The following HDAC9 variants were observed in gnomAD, a reference collection of about 807,000 sequenced individuals.
HDAC9 encodes the protein MEF-2 interacting transcription repressor (MITR) protein.
A neutral mutation model predicts 139.4 loss-of-function variants in HDAC9; 41 were observed. The ratio of observed to expected loss-of-function variants is 0.29; its 90% CI spans 0.23 to 0.38. The LOEUF is 0.38. Among genes scored for constraint, HDAC9 ranks in the 10% least tolerant of loss-of-function variants. The pLI is 1.00. For missense variants in HDAC9, 1,147 were observed against 1,297.0 expected (o/e 0.88, Z 1.78); for synonymous variants, 517 against 476.2 (o/e 1.09, Z -1.12).
intron 1 of HDAC9, among the ~76,000 whole-genome samples, chr7:18,437,970 C>T (rs928887031): frequency 6.6e-6 from 1 of 151,692 alleles, no homozygotes; most frequent in East Asian, 1.9e-4. Context: ...CACAGACACA[C>T]ACACACATAC....
chr7:18,384,538 C>T (rs1785737468), intron 1 of HDAC9, among the ~76,000 whole-genome samples: 1 of 151,740 alleles, frequency 6.6e-6, no homozygotes. Context: ...AATATTTTTT[C>T]CTTAGCTTAT....
chr7:18,841,886 G>A (rs13230142), intron 21 of HDAC9, among the ~76,000 whole-genome samples: 15,899 of 151,858 alleles, frequency 0.1, 1,963 homozygotes, highest in African/African-American at 0.3. Context: ...TTTAATAACC[G>A]ATCTAATTAC....
chr7:18,568,886 A>G (rs1823342673), intron 2 of HDAC9, among the ~76,000 whole-genome samples: 1 of 152,004 alleles, frequency 6.6e-6, no homozygotes, highest in South Asian at 2.1e-4. Context: ...CCTCTCTACT[A>G]AAAATACAAA....
chr7:18,559,202 C>A (rs563426610), intron 2 of HDAC9, among the ~76,000 whole-genome samples: 1 of 152,250 alleles, frequency 6.6e-6, no homozygotes, highest in South Asian at 2.1e-4. Flanking sequence ...ACTAGGTGTC[C>A]TTCATGGGCA....
At chr7:18,629,209 A>G in intron 6 of HDAC9, 141 bp from the exon 7 acceptor site, 1 of 669,288 alleles carries the variant, frequency 1.5e-6, no homozygotes. Flanking sequence ...TCAATGCCTC[A>G]TTTATGTGCT....
rs925171979 is a variant in HDAC9 at position 18,313,005 on chromosome 7, T to C, written c.-42+22490T>C. Among the ~76,000 whole-genome samples, 38 of 152,250 alleles carry C rather than the reference T, an allele frequency of 2.5e-4. 1 individual carries two copies. Among genetic ancestry groups the C allele is most frequent in the African/African-American group, 8.7e-4 (36 of 41,552 alleles). ...TTCAGATTTGTCTTCCTATAATTCG[T>C]AGAGATTTGGAAAATTAGACATAAG... On this transcript the variant is annotated intron_variant, in intron 1 of 3. Transcript: ENST00000413509.
intron 2 of HDAC9, among the ~76,000 whole-genome samples, chr7:18,217,113 C>T (rs556012689): frequency 6.6e-6 from 1 of 152,212 alleles, no homozygotes; most frequent in South Asian, 2.1e-4. Flanking sequence ...TAAATTTCTT[C>T]TAGAACTGTT....
intron 23 of HDAC9, among the ~76,000 whole-genome samples, chr7:18,941,240 T>C (rs1186960307): frequency 6.6e-6 from 1 of 151,832 alleles, no homozygotes; most frequent in Non-Finnish European, 1.5e-5. Context: ...TCTCTCCCTT[T>C]CTCCCTCCCT....
At chr7:18,428,339 C>G (rs1378780950) in intron 1 of HDAC9, among the ~76,000 whole-genome samples, 4 of 151,956 alleles carry the variant, frequency 2.6e-5, no homozygotes. Flanking sequence ...GAAAAGGCAA[C>G]CTAGAAAAAT....
chr7:18,921,575 A>G (rs949343268), intron 22 of HDAC9, among the ~76,000 whole-genome samples: 3 of 152,194 alleles, frequency 2.0e-5, no homozygotes, highest in African/African-American at 7.2e-5. Flanking sequence ...AAGTCAGGAA[A>G]CAACAGGTGC....
At chr7:18,725,839 A>C (rs1372134450) in intron 12 of HDAC9, among the ~76,000 whole-genome samples, 1 of 152,180 alleles carries the variant, frequency 6.6e-6, no homozygotes, top group African/African-American at 2.4e-5. Context: ...CAAGACACTC[A>C]AGAAAACAGG....
chr7:18,368,862 C>T (rs1005122071), intron 1 of HDAC9, among the ~76,000 whole-genome samples: 3 of 152,034 alleles, frequency 2.0e-5, no homozygotes, highest in Non-Finnish European at 1.5e-5. Context: ...CTGATGAACT[C>T]ACTATGTAGG....
At chr7:18,815,019 A>G (rs1176507786) in intron 17 of HDAC9, among the ~76,000 whole-genome samples, 5 of 152,200 alleles carry the variant, frequency 3.3e-5, no homozygotes, top group African/African-American at 1.2e-4. Context: ...GTAGTAAAAT[A>G]TGAGTATAAG....
At chr7:18,197,206 A>G (rs1790787600) in intron 2 of HDAC9, among the ~76,000 whole-genome samples, 1 of 152,108 alleles carries the variant, frequency 6.6e-6, no homozygotes. Flanking sequence ...CAGACCCCTT[A>G]ATCATGTGAG....
At chr7:18,363,285 C>G (rs1783924660) in intron 1 of HDAC9, among the ~76,000 whole-genome samples, 1 of 152,036 alleles carries the variant, frequency 6.6e-6, no homozygotes, top group Non-Finnish European at 1.5e-5. Flanking sequence ...TCTTTTGTAA[C>G]TTCCTGGTGT....
intron 21 of HDAC9, among the ~76,000 whole-genome samples, chr7:18,864,755 G>A (rs1490537217): frequency 3.3e-5 from 5 of 152,088 alleles, no homozygotes; most frequent in African/African-American, 1.2e-4. Context: ...AGGGGAAATG[G>A]GAAGTTATTG....
At chr7:18,239,336 A>G (rs1030442422) in intron 2 of HDAC9, among the ~76,000 whole-genome samples, 2 of 152,234 alleles carry the variant, frequency 1.3e-5, no homozygotes, top group African/African-American at 4.8e-5. Context: ...ATCAACCACC[A>G]GCACCCTCTT....
At chr7:18,370,590 A>T (rs577966053) in intron 1 of HDAC9, among the ~76,000 whole-genome samples, 1 of 152,194 alleles carries the variant, frequency 6.6e-6, no homozygotes, top group East Asian at 1.9e-4. Flanking sequence ...TCTGTAAATC[A>T]TAAGTGTGAG....
At chr7:18,114,489 T>C (rs922350521) in intron 1 of HDAC9, among the ~76,000 whole-genome samples, 7 of 152,216 alleles carry the variant, frequency 4.6e-5, no homozygotes, top group Admixed American at 1.3e-4. Context: ...AGTTGAATGC[T>C]ATTTCACCTG....
Sources: gnomAD v4.1 joint callset for allele counts (sites outside exome capture counted in the v4.1 genomes callset) on GRCh38, gnomAD v4.1.1 for gene constraint, MANE v1.5 for transcripts, NCBI Gene and HGNC (gene_info 2026-07-23, HGNC 2026-07-21) for gene names.